MGAT5: variants seen among roughly 807,000 people sequenced by gnomAD.
The protein encoded by MGAT5 is alpha-1,6-mannosylglycoprotein 6-beta-N-acetylglucosaminyltransferase A.
A neutral mutation model predicts 94.3 loss-of-function variants in MGAT5; 30 were observed. That is an observed-to-expected ratio of 0.32 (90% CI 0.24 to 0.43). The LOEUF (loss-of-function observed/expected upper bound fraction) is 0.43. MGAT5 is among the 20% of genes least tolerant of loss of function. The probability of loss-of-function intolerance (pLI) is 1.00; values close to 1 mark genes in which losing one functional copy is unlikely to be tolerated. For synonymous variants in MGAT5, 310 were observed against 322.9 expected (o/e 0.96, Z 0.43); for missense variants, 691 against 905.5 (o/e 0.76, Z 3.04).
upstream of MGAT5, among the ~76,000 whole-genome samples, chr2:134,249,287 C>A (rs112770429): frequency 5.7e-3 from 854 of 150,740 alleles, 10 homozygotes; most frequent in African/African-American, 0.019. Context: ...CCTATTTAAA[C>A]GTATACAACT....
intron 2 of MGAT5, among the ~76,000 whole-genome samples, chr2:134,312,685 T>C (rs540388877): frequency 2.6e-5 from 4 of 152,198 alleles, no homozygotes; most frequent in African/African-American, 9.6e-5. Context: ...CTCCCACGTG[T>C]GCCAGCCCCC....
At chr2:134,198,715 G>T (rs1455612862) in intron 1 of MGAT5, among the ~76,000 whole-genome samples, 1 of 152,170 alleles carries the variant, frequency 6.6e-6, no homozygotes, top group Non-Finnish European at 1.5e-5. Flanking sequence ...AGGTGCCCAG[G>T]AGTGGACTTT....
At chr2:134,152,273 G>A (rs542784302) in intron 1 of MGAT5, among the ~76,000 whole-genome samples, 5 of 124,014 alleles carry the variant, frequency 4.0e-5, no homozygotes, top group African/African-American at 1.5e-4. Flanking sequence ...GGGACCTCAC[G>A]CCCTATGGGA....
At chr2:134,360,461 C>A (rs1293542530) in intron 9 of MGAT5, among the ~76,000 whole-genome samples, 4 of 151,972 alleles carry the variant, frequency 2.6e-5, no homozygotes, top group African/African-American at 9.7e-5. Context: ...TTTTAAGTGC[C>A]TACCTAGGGA....
At chr2:134,187,492 T>C (rs1689105023) in intron 1 of MGAT5, among the ~76,000 whole-genome samples, 2 of 152,226 alleles carry the variant, frequency 1.3e-5, no homozygotes, top group African/African-American at 4.8e-5. Context: ...GCCACACACG[T>C]TGTCTTTTAC....
At chr2:134,311,423 T>C (rs745502166) in intron 2 of MGAT5, among the ~76,000 whole-genome samples, 5 of 152,122 alleles carry the variant, frequency 3.3e-5, no homozygotes, top group Non-Finnish European at 5.9e-5. Flanking sequence ...CTTTGCTATA[T>C]AGAATTAGTG....
intron 1 of MGAT5, among the ~76,000 whole-genome samples, chr2:134,187,833 AAC>A (rs1689123025): frequency 6.6e-6 from 1 of 152,240 alleles, no homozygotes. Context: ...TGCTACACTA[AAC>A]ACACTGAAAA....
At chr2:134,296,627 T>C (rs1685689870) in intron 2 of MGAT5, among the ~76,000 whole-genome samples, 1 of 152,150 alleles carries the variant, frequency 6.6e-6, no homozygotes, top group Admixed American at 6.5e-5. Context: ...GAAAATCTTT[T>C]TATACAACTG....
At chr2:134,293,284 A>G (rs1685482752) in intron 2 of MGAT5, among the ~76,000 whole-genome samples, 1 of 152,220 alleles carries the variant, frequency 6.6e-6, no homozygotes, top group African/African-American at 2.4e-5. Context: ...ACTTGTTTCC[A>G]GGCACTAGGC....
chr2:134,227,012 G>A (rs537611595), intron 1 of MGAT5, among the ~76,000 whole-genome samples: 1 of 145,486 alleles, frequency 6.9e-6, no homozygotes, highest in African/African-American at 2.5e-5. Flanking sequence ...AGATTTTTAT[G>A]TGAAATCTCC....
intron 11 of MGAT5, among the ~76,000 whole-genome samples, chr2:134,411,021 GTCTGGTAGATAACAACCCTGGATTCT>G (rs1683622037): frequency 6.6e-6 from 1 of 152,182 alleles, no homozygotes; most frequent in Non-Finnish European, 1.5e-5. Flanking sequence ...GAGATCACAA[GTCTGGTAGATAACAACCCTGGATTCT>G]TCATATTCCA....
chr2:134,145,947 A>G (rs1686897332), intron 1 of MGAT5, among the ~76,000 whole-genome samples: 1 of 152,218 alleles, frequency 6.6e-6, no homozygotes, highest in Admixed American at 6.5e-5. Flanking sequence ...CAAAATGTGC[A>G]TTGCTGAGAC....
intron 4 of MGAT5, among the ~76,000 whole-genome samples, chr2:134,322,869 C>T (rs1196822485): frequency 1.3e-5 from 2 of 152,144 alleles, no homozygotes; most frequent in Non-Finnish European, 2.9e-5. Flanking sequence ...AACACATGCA[C>T]CAGTGACTTT....
chr2:134,406,372 T>C (rs9917190), intron 11 of MGAT5, among the ~76,000 whole-genome samples: 105,200 of 152,070 alleles, frequency 0.69, 36,747 homozygotes, highest in African/African-American at 0.78. Context: ...CAGACCTCCA[T>C]TCATTCACCT....
At chr2:134,143,363 T>C (rs944791163) in intron 1 of MGAT5, among the ~76,000 whole-genome samples, 2 of 152,226 alleles carry the variant, frequency 1.3e-5, no homozygotes, top group African/African-American at 4.8e-5. Flanking sequence ...TATCTCAATT[T>C]GAGAAAGCAC....
intron 1 of MGAT5, among the ~76,000 whole-genome samples, chr2:134,189,790 C>G (rs1312192193): frequency 6.6e-6 from 1 of 151,674 alleles, no homozygotes; most frequent in Non-Finnish European, 1.5e-5. Flanking sequence ...TTACTAGAAA[C>G]AGGTTTTCAC....
At chr2:134,445,977 G>A (rs1685748036) in intron 15 of MGAT5, among the ~76,000 whole-genome samples, 2 of 152,200 alleles carry the variant, frequency 1.3e-5, no homozygotes, top group South Asian at 4.1e-4. Flanking sequence ...GCTATGGGAT[G>A]GGCACATGCA....
intron 4 of MGAT5, among the ~76,000 whole-genome samples, chr2:134,327,356 G>A (rs1317125890): frequency 6.6e-6 from 1 of 152,022 alleles, no homozygotes; most frequent in Non-Finnish European, 1.5e-5. Context: ...CAATGTTATG[G>A]CTTCTCTTTG....
At chr2:134,315,905 C>G (rs7557129) in intron 2 of MGAT5, among the ~76,000 whole-genome samples, 55,252 of 152,004 alleles carry the variant, frequency 0.36, 11,565 homozygotes, top group African/African-American at 0.58. Context: ...TTTGGTGACA[C>G]ACTATCAAAA....
Sources: allele counts gnomAD v4.1 joint callset (sites outside exome capture counted in the v4.1 genomes callset), GRCh38; gene constraint gnomAD v4.1.1; transcripts MANE v1.5; gene names NCBI Gene and HGNC (gene_info 2026-07-23, HGNC 2026-07-21).